The following SETBP1 variants were observed in gnomAD, a reference collection of about 807,000 sequenced individuals.
SETBP1 encodes SET-binding protein.
SETBP1 carries 9 observed loss-of-function variants against 101.0 expected under a neutral mutation model. That is an observed-to-expected ratio of 0.09 (90% CI 0.05 to 0.16). SETBP1 has a LOEUF of 0.16. Among genes scored for constraint, SETBP1 ranks in the 10% least tolerant of loss-of-function variants. The probability of loss-of-function intolerance (pLI) is 1.00; values close to 1 mark genes in which losing one functional copy is unlikely to be tolerated. For synonymous variants in SETBP1, 818 were observed against 788.5 expected (o/e 1.04, Z -0.63); for missense variants, 1,858 against 2,033.8 (o/e 0.91, Z 1.66).
intron 4 of SETBP1, among the ~76,000 whole-genome samples, chr18:44,978,108 G>T (rs536431612): frequency 2.6e-5 from 4 of 152,082 alleles, no homozygotes; most frequent in Non-Finnish European, 5.9e-5. Context: ...CCAACATTAG[G>T]TTGGGAAGAG....
At chr18:45,049,834 C>T (rs1400602259) in intron 5 of SETBP1, among the ~76,000 whole-genome samples, 3 of 152,070 alleles carry the variant, frequency 2.0e-5, no homozygotes, top group East Asian at 1.9e-4. Context: ...AAAAGGCCTT[C>T]GAGATGGTGA....
chr18:45,007,174 G>A (rs1675414931), intron 4 of SETBP1, among the ~76,000 whole-genome samples: 1 of 152,110 alleles, frequency 6.6e-6, no homozygotes, highest in African/African-American at 2.4e-5. Flanking sequence ...CGACTTGCCT[G>A]GCCCACAATA....
At chr18:44,855,952 A>ACGGG (rs1033206943) in intron 2 of SETBP1, among the ~76,000 whole-genome samples, 14 of 152,148 alleles carry the variant, frequency 9.2e-5, no homozygotes, top group Admixed American at 4.6e-4. Context: ...GCGTGTGCCT[A>ACGGG]CGGGCAGGAC....
intron 2 of SETBP1, among the ~76,000 whole-genome samples, chr18:44,710,707 C>T (rs1057431032): frequency 7.2e-5 from 11 of 152,170 alleles, no homozygotes; most frequent in Admixed American, 3.9e-4. Context: ...ACCTCAGCCT[C>T]CCAAAGTACT....
chr18:44,815,527 T>C (rs1219116669), intron 2 of SETBP1, among the ~76,000 whole-genome samples: 1 of 152,226 alleles, frequency 6.6e-6, no homozygotes, highest in Non-Finnish European at 1.5e-5. Context: ...GCTGGAGATA[T>C]ACAAGTGGCA....
intron 4 of SETBP1, among the ~76,000 whole-genome samples, chr18:45,025,633 G>C (rs573348838): frequency 6.6e-6 from 1 of 152,264 alleles, no homozygotes; most frequent in South Asian, 2.1e-4. Context: ...GTGAAATAAA[G>C]TAGGTGGTTT....
chr18:44,855,558 G>T (rs2072958393), intron 2 of SETBP1, among the ~76,000 whole-genome samples: 1 of 152,122 alleles, frequency 6.6e-6, no homozygotes, highest in Non-Finnish European at 1.5e-5. Context: ...TGGTGCATTG[G>T]GGCCAACTCA....
At chr18:44,745,053 G>T (rs2070205347) in intron 2 of SETBP1, among the ~76,000 whole-genome samples, 1 of 152,128 alleles carries the variant, frequency 6.6e-6, no homozygotes, top group South Asian at 2.1e-4. Context: ...GCCCACGGAA[G>T]AGGCTCATTT....
chr18:44,771,214 G>C (rs35238916), intron 2 of SETBP1, among the ~76,000 whole-genome samples: 23,825 of 147,350 alleles, frequency 0.16, 2,172 homozygotes, highest in Non-Finnish European at 0.2. Context: ...AGGAGTTAGG[G>C]ACAGTCTAGA....
At chr18:44,752,314 C>T (rs1180958977) in intron 2 of SETBP1, among the ~76,000 whole-genome samples, 6 of 152,086 alleles carry the variant, frequency 3.9e-5, no homozygotes, top group African/African-American at 1.4e-4. Flanking sequence ...GGGATGAGCC[C>T]AGGACTATCT....
chr18:45,063,701 C>G lies in SETBP1; in HGVS notation c.*3C>G, dbSNP rs766424701. The G allele has an allele frequency of 1.2e-6, 2 of 1,603,638 alleles. No individual in the cohort carries two copies. The highest frequency in any genetic ancestry group is 1.7e-6 in the Non-Finnish European group (2 of 1,175,494). ...GTGAGAGCGAGGTCCTTCCCTAGGGCGGGTCTGGGCGTCTGCACCTGGGGC... is the reference window on the plus strand; with the variant it reads ...GTGAGAGCGAGGTCCTTCCCTAGGGGGGGTCTGGGCGTCTGCACCTGGGGC... On this transcript the variant is annotated 3_prime_UTR_variant, in exon 6 of 6. Coordinates refer to ENST00000649279, the MANE Select transcript of SETBP1 (RefSeq NM_015559.3).
intron 3 of SETBP1, among the ~76,000 whole-genome samples, chr18:44,938,958 A>ATGTGTGTGTGTGTGTG (rs111916615): frequency 1.1e-4 from 16 of 147,344 alleles, no homozygotes; most frequent in African/African-American, 3.8e-4. Context: ...GAGTGTGTGC[A>ATGTGTGTGTGTGTGTG]TGTGTGTGTG....
intron 3 of SETBP1, among the ~76,000 whole-genome samples, chr18:44,890,832 A>G (rs889542043): frequency 2.6e-5 from 4 of 152,168 alleles, no homozygotes; most frequent in African/African-American, 9.6e-5. Flanking sequence ...GATTAAATGA[A>G]TTGCCCAAGC....
intron 4 of SETBP1, among the ~76,000 whole-genome samples, chr18:45,000,714 T>G (rs2072598863): frequency 6.6e-6 from 1 of 151,816 alleles, no homozygotes; most frequent in African/African-American, 2.4e-5. Context: ...TAAGGGAATA[T>G]GATGAAAACC....
chr18:44,747,370 C>T (rs945718835), intron 2 of SETBP1, among the ~76,000 whole-genome samples: 4 of 152,090 alleles, frequency 2.6e-5, no homozygotes, highest in African/African-American at 9.7e-5. Context: ...TTCAGCATCC[C>T]AGGAAAAGGG....
intron 3 of SETBP1, among the ~76,000 whole-genome samples, chr18:44,899,640 A>G (rs983738409): frequency 6.6e-6 from 1 of 152,124 alleles, no homozygotes; most frequent in Admixed American, 6.6e-5. Context: ...GGTTTTTGCT[A>G]TCTGAAATTC....
At chr18:44,682,897 G>A (rs1037708585) in intron 1 of SETBP1, among the ~76,000 whole-genome samples, 2 of 152,130 alleles carry the variant, frequency 1.3e-5, no homozygotes, top group Admixed American at 1.3e-4. Context: ...AACCTGAGCT[G>A]AGCTGGGGGA....
chr18:44,724,894 G>T (rs1198941041), intron 2 of SETBP1, among the ~76,000 whole-genome samples: 1 of 152,120 alleles, frequency 6.6e-6, no homozygotes, highest in Non-Finnish European at 1.5e-5. Flanking sequence ...GCTGGAAGTG[G>T]AAAGAAAGAA....
chr18:44,740,002 C>T (rs1309843450), intron 2 of SETBP1, among the ~76,000 whole-genome samples: 1 of 152,216 alleles, frequency 6.6e-6, no homozygotes, highest in East Asian at 1.9e-4. Flanking sequence ...ATGAGATCGT[C>T]TTGTTTACTA....
Sources: gnomAD v4.1 joint callset for allele counts (sites outside exome capture counted in the v4.1 genomes callset) on GRCh38, gnomAD v4.1.1 for gene constraint, MANE v1.5 for transcripts, NCBI Gene and HGNC (gene_info 2026-07-23, HGNC 2026-07-21) for gene names.